Variants in GFRA2 observed in about 807,000 individuals in gnomAD.
The protein encoded by GFRA2 is GDNF family receptor alpha 2.
GFRA2 carries 17 observed loss-of-function variants against 48.3 expected under a neutral mutation model. The observed-to-expected ratio is 0.35, with a 90% CI of 0.24 to 0.53. The LOEUF is 0.53. Among genes scored for constraint, GFRA2 ranks in the 20% least tolerant of loss-of-function variants. The pLI is 0.93. For missense variants in GFRA2, 660 were observed against 637.3 expected, an observed-to-expected ratio of 1.04 and a Z score of -0.38; for synonymous variants, 305 against 257.2, an observed-to-expected ratio of 1.19 and a Z score of -1.78.
chr8:21,698,122 C>T (rs966946671), intron 7 of GFRA2, among the ~76,000 whole-genome samples: 1 of 152,154 alleles, frequency 6.6e-6, no homozygotes, highest in African/African-American at 2.4e-5. Context: ...GCTTCTCATC[C>T]CCTAGAGGCA....
chr8:21,733,235 T>A (rs1334585472), intron 4 of GFRA2, among the ~76,000 whole-genome samples: 1 of 152,140 alleles, frequency 6.6e-6, no homozygotes, highest in African/African-American at 2.4e-5. Flanking sequence ...CAGCCACTCC[T>A]GATCCACGCA....
intron 3 of GFRA2, among the ~76,000 whole-genome samples, chr8:21,763,140 T>C (rs1011399336): frequency 1.3e-5 from 2 of 152,206 alleles, no homozygotes; most frequent in Admixed American, 1.3e-4. Flanking sequence ...GAAGACCATT[T>C]GCAAAAATCT....
chr8:21,792,038 C>T (rs1420688836), upstream of GFRA2, among the ~76,000 whole-genome samples: 5 of 152,224 alleles, frequency 3.3e-5, no homozygotes, highest in African/African-American at 9.7e-5. Flanking sequence ...CTCCTGCCCA[C>T]AGCCCCTCCC....
At position 21,691,063 on chromosome 8, in the gene GFRA2, C is replaced by T. The variant is rs889684640; in HGVS notation, c.*2215G>A. The T allele has an allele frequency of 6.6e-5, 10 of 152,190 alleles. No homozygotes were observed. Among genetic ancestry groups the T allele is most frequent in the Middle Eastern group, 3.2e-3 (1 of 316 alleles). The allele number at this position is 152,190 out of a possible 1,614,324, so 9.4% of individuals were successfully genotyped here. ...AAACGCTGTGAACGGATGCTGCTCA[C>T]ACATATACAACCAGAAGCAAAAGCC... On this transcript the variant is annotated 3_prime_UTR_variant, in exon 9 of 9. Transcript: ENST00000524240.
rs992126634 is a variant in GFRA2 at position 21,783,091 on chromosome 8, G to A, written c.41-192C>T. On this transcript the variant is annotated intron_variant, in intron 1 of 8. Transcript: ENST00000524240. ...AGGCATCATCCTCCCCTGGATGTAGGAGCAAGTTTTCTCCCTTTGCACTCC... is the reference window on the plus strand; with the variant it reads ...AGGCATCATCCTCCCCTGGATGTAGAAGCAAGTTTTCTCCCTTTGCACTCC... The A allele has an allele frequency of 2.4e-4, 167 of 706,370 alleles. No homozygotes were observed. In the African/African-American group the frequency reaches 2.5e-3, roughly 11 times the overall value. 43.8% of individuals were successfully genotyped at this position (706,370 alleles called of 1,614,324 possible). A position where few individuals can be genotyped will look rare whatever the true frequency, so the allele number is the denominator to read the frequency against.
At chr8:21,728,147 C>T (rs1326143966) in intron 4 of GFRA2, among the ~76,000 whole-genome samples, 1 of 152,086 alleles carries the variant, frequency 6.6e-6, no homozygotes, top group Non-Finnish European at 1.5e-5. Context: ...ATAGGGTGTG[C>T]CCGCCCACTG....
chr8:21,803,741 T>A (rs1807810570), intron 2 of GFRA2, among the ~76,000 whole-genome samples: 1 of 152,166 alleles, frequency 6.6e-6, no homozygotes. Context: ...CAAATGATCC[T>A]CCCACTTCAG....
At chr8:21,775,452 A>G (rs1033200760) in intron 2 of GFRA2, among the ~76,000 whole-genome samples, 14 of 152,240 alleles carry the variant, frequency 9.2e-5, no homozygotes, top group African/African-American at 2.9e-4. Flanking sequence ...GCTCTCCACA[A>G]TCATGCCTCA....
At chr8:21,695,506 T>C (rs545459582) in intron 7 of GFRA2, among the ~76,000 whole-genome samples, 32 of 152,228 alleles carry the variant, frequency 2.1e-4, no homozygotes, top group African/African-American at 3.4e-4. Context: ...AGCTGTCACA[T>C]GGAGACGCTG....
chr8:21,790,117 A>G (rs1807523533), upstream of GFRA2: 2 of 984,570 alleles, frequency 2.0e-6, no homozygotes, highest in Admixed American at 1.2e-4. Context: ...AGAAGGACCT[A>G]AAAGGAAGCG....
chr8:21,739,125 A>G (rs1049918332), intron 4 of GFRA2, among the ~76,000 whole-genome samples: 1 of 152,212 alleles, frequency 6.6e-6, no homozygotes, highest in Non-Finnish European at 1.5e-5. Context: ...TCCTGGACTC[A>G]GAGAATGTGT....
chr8:21,695,139 G>A (rs1349712089), intron 7 of GFRA2, among the ~76,000 whole-genome samples: 1 of 152,220 alleles, frequency 6.6e-6, no homozygotes, highest in Admixed American at 6.5e-5. Flanking sequence ...GTGCACACCT[G>A]GGAACACTGT....
At chr8:21,789,178 T>G (rs1195154350), upstream of GFRA2, 1 of 158,650 alleles carries the variant, frequency 6.3e-6, no homozygotes, top group Non-Finnish European at 1.4e-5. Context: ...GCCGGCTCCC[T>G]CGGCTCAATC....
chr8:21,782,600 G>C lies in GFRA2; in HGVS notation c.340C>G (p.Leu114Val). ...QCLQIYWSIH[L>V]GLTEGEEFYE... ...CCAGGCTTACCCTCGGTCAGCCCCA[G>C]GTGGATGCTCCAGTAGATCTGCAGA... is the stretch of plus-strand genomic sequence containing the variant. The change falls in exon 2 of 9, where the codon CTG becomes GTG. Residue 114 changes from leucine (L) to valine (V), a missense_variant. Leu to Val is a conservative substitution (Grantham distance 32, BLOSUM62 1). Transcript: ENST00000524240. 1 of 1,580,924 alleles carries C rather than the reference G, an allele frequency of 6.3e-7. No individual in the cohort carries two copies. The highest frequency in any genetic ancestry group is 8.6e-7 in the Non-Finnish European group (1 of 1,164,074).
chr8:21,694,627 C>A, intron 7 of GFRA2, 110 bp from the exon 8 acceptor site: 1 of 946,560 alleles, frequency 1.1e-6, no homozygotes, highest in Non-Finnish European at 1.7e-6. Context: ...CCGCTAAGCA[C>A]AGCCAGCGCA....
Position 21,694,524 on chromosome 8 carries a change from G to C in GFRA2, c.1219-7C>G. ...TGGCCTTCAGCCCCTGCTCCTGCGA[G>C]AGAGAAGGTGCCAGTCAGGACGAGT... On this transcript the variant is annotated splice_region_variant and splice_polypyrimidine_tract_variant and intron_variant, in intron 7 of 8. Transcript: ENST00000524240. 1 of 1,608,970 alleles carries C rather than the reference G, an allele frequency of 6.2e-7. No individual in the cohort carries two copies. The highest frequency in any genetic ancestry group is 8.5e-7 in the Non-Finnish European group (1 of 1,178,004).
intron 4 of GFRA2, among the ~76,000 whole-genome samples, chr8:21,710,423 A>G (rs1306680057): frequency 6.6e-6 from 1 of 152,216 alleles, no homozygotes; most frequent in African/African-American, 2.4e-5. Flanking sequence ...TTATCCTGCA[A>G]GGTGGATCTC....
At chr8:21,781,688 CT>C (rs1473268366) in intron 2 of GFRA2, among the ~76,000 whole-genome samples, 34 of 152,204 alleles carry the variant, frequency 2.2e-4, no homozygotes, top group Admixed American at 2.1e-3. Context: ...AGGGCAGAGG[CT>C]GCATCAGCTT....
intron 7 of GFRA2, 33 bp downstream of exon 7, chr8:21,702,772 T>C: frequency 6.5e-7 from 1 of 1,544,890 alleles, no homozygotes; most frequent in Non-Finnish European, 8.7e-7. Flanking sequence ...GGTGCCATGG[T>C]GCTCCCCCCA....
Sources: allele counts gnomAD v4.1 joint callset (sites outside exome capture counted in the v4.1 genomes callset), GRCh38; gene constraint gnomAD v4.1.1; transcripts MANE v1.5; gene names NCBI Gene and HGNC (gene_info 2026-07-23, HGNC 2026-07-21).